Variants in KCNH1 observed in about 807,000 individuals in gnomAD.
KCNH1 encodes the protein potassium voltage-gated channel subfamily H member 1, also known as voltage-gated delayed rectifier potassium channel KCNH1.
Under a neutral mutation model 69.2 loss-of-function variants are expected in KCNH1, and 27 were observed. That is an observed-to-expected ratio of 0.39 (90% CI 0.29 to 0.54). KCNH1 has a LOEUF of 0.54. Among genes scored for constraint, KCNH1 ranks in the 20% least tolerant of loss-of-function variants. KCNH1 has a pLI of 0.68. For missense variants in KCNH1, 798 were observed against 1,261.6 expected (o/e 0.63, Z 5.57); for synonymous variants, 456 against 487.7 (o/e 0.93, Z 0.86).
chr1:211,089,838 C>T (rs1472664139), intron 4 of KCNH1, among the ~76,000 whole-genome samples: 1 of 152,162 alleles, frequency 6.6e-6, no homozygotes, highest in African/African-American at 2.4e-5. Context: ...TATGTCACCC[C>T]CTTATCCCAA....
At chr1:210,764,490 A>G (rs1683585352) in intron 10 of KCNH1, among the ~76,000 whole-genome samples, 1 of 152,246 alleles carries the variant, frequency 6.6e-6, no homozygotes, top group South Asian at 2.1e-4. Context: ...ACTAATATCC[A>G]GAATCTATGA....
rs139479460 is a variant in KCNH1, at chr1:210,802,178, G to A, written c.1662+1789C>T. Among the ~76,000 whole-genome samples the A allele has an allele frequency of 2.4e-4, 36 of 152,346 alleles. No homozygotes were observed. In the East Asian group the frequency reaches 6.2e-3, roughly 26 times the overall value. ...GCATGTTCAAGAAATGGTAGCTGAG[G>A]TTGTAGTAGTGGTGTTATGGTTATC... On this transcript the variant is annotated intron_variant, in intron 8 of 10. Coordinates refer to ENST00000271751, the MANE Select transcript of KCNH1 (RefSeq NM_172362.3).
At chr1:210,795,631 C>A (rs935436209) in intron 9 of KCNH1, among the ~76,000 whole-genome samples, 2 of 152,078 alleles carry the variant, frequency 1.3e-5, no homozygotes, top group African/African-American at 4.8e-5. Context: ...AAAGTTGGGG[C>A]TTTTCTTTTT....
chr1:210,795,131 TG>T (rs1684282661), intron 9 of KCNH1, among the ~76,000 whole-genome samples: 1 of 103,306 alleles, frequency 9.7e-6, no homozygotes, highest in Non-Finnish European at 2.3e-5. Flanking sequence ...TTGTTTTTGT[TG>T]TTGTTGTTGT....
intron 6 of KCNH1, among the ~76,000 whole-genome samples, chr1:210,963,602 C>T (rs557564860): frequency 9.2e-5 from 14 of 152,016 alleles, no homozygotes; most frequent in Admixed American, 2.6e-4. Context: ...CATAAATGAC[C>T]TGATGGAACT....
chr1:210,858,357 C>T (rs570063051), intron 7 of KCNH1: 1 of 152,298 alleles, frequency 6.6e-6, no homozygotes, highest in African/African-American at 2.4e-5. Flanking sequence ...ACCACTAACC[C>T]ATTTTTACAT....
intron 6 of KCNH1, among the ~76,000 whole-genome samples, chr1:210,975,586 TACA>T (rs1688592755): frequency 6.6e-6 from 1 of 152,166 alleles, no homozygotes; most frequent in Non-Finnish European, 1.5e-5. Context: ...TTACACCTTA[TACA>T]ACAATTAATT....
intron 7 of KCNH1, among the ~76,000 whole-genome samples, chr1:210,864,148 C>T (rs148545554): frequency 5.7e-4 from 87 of 152,298 alleles, no homozygotes; most frequent in Non-Finnish European, 9.1e-4. Context: ...CTCTCACATG[C>T]CTATGGCATG....
At chr1:210,986,588 CT>C (rs1385554571) in intron 6 of KCNH1, among the ~76,000 whole-genome samples, 1 of 152,146 alleles carries the variant, frequency 6.6e-6, no homozygotes, top group African/African-American at 2.4e-5. Context: ...AAATTCTTTT[CT>C]TTAAGAATGT....
At chr1:210,761,516 C>T (rs1374928581) in intron 10 of KCNH1, among the ~76,000 whole-genome samples, 1 of 152,088 alleles carries the variant, frequency 6.6e-6, no homozygotes, top group East Asian at 1.9e-4. Flanking sequence ...CATGTAATGA[C>T]ACCCACAGAC....
At chr1:210,804,879 A>T (rs1684502116) in intron 7 of KCNH1, among the ~76,000 whole-genome samples, 1 of 152,154 alleles carries the variant, frequency 6.6e-6, no homozygotes, top group African/African-American at 2.4e-5. Context: ...GTAAGAATAA[A>T]ATCAAGTCCC....
intron 7 of KCNH1, among the ~76,000 whole-genome samples, chr1:210,896,206 T>C (rs1686863424): frequency 6.6e-6 from 1 of 152,098 alleles, no homozygotes; most frequent in Non-Finnish European, 1.5e-5. Context: ...TATGAGTTGG[T>C]TTTCCTAGTC....
chr1:210,797,867 C>T (rs966883011), intron 8 of KCNH1, 107 bp from the exon 9 acceptor site: 18 of 1,260,586 alleles, frequency 1.4e-5, no homozygotes, highest in Non-Finnish European at 2.0e-5. Flanking sequence ...CCAGACTGCA[C>T]TCTTCTAACC....
chr1:210,789,170 A>G (rs1221806744), intron 9 of KCNH1, among the ~76,000 whole-genome samples: 1 of 152,166 alleles, frequency 6.6e-6, no homozygotes, highest in Non-Finnish European at 1.5e-5. Context: ...ATATTTACCT[A>G]GCAACTTCAA....
At chr1:211,048,627 A>T (rs111326677) in intron 5 of KCNH1, among the ~76,000 whole-genome samples, 1 of 152,266 alleles carries the variant, frequency 6.6e-6, no homozygotes, top group Non-Finnish European at 1.5e-5. Flanking sequence ...TCTCACTTAT[A>T]AGTGCGAGCT....
intron 10 of KCNH1, among the ~76,000 whole-genome samples, chr1:210,744,455 C>T (rs1018613379): frequency 6.6e-6 from 1 of 152,116 alleles, no homozygotes; most frequent in East Asian, 1.9e-4. Flanking sequence ...ACTAGCCTGA[C>T]CAACATAGTG....
Position 210,941,822 on chromosome 1 carries a change from C to A in KCNH1, c.1033-21753G>T, listed in dbSNP as rs144132813. 5.9e-3 allele frequency among the ~76,000 whole-genome samples: 897 copies of A among 152,260 alleles called. 8 individuals carry two copies. The highest frequency in any genetic ancestry group is 9.9e-3 in the Non-Finnish European group (676 of 68,000). ...TGTTCTAGGTTTAAGGTAATAAGGG[C>A]CCCCTTCCAGCTAGAAGGAGGATCA... On this transcript the variant is annotated intron_variant, in intron 6 of 10. Coordinates refer to ENST00000271751, the MANE Select transcript of KCNH1 (RefSeq NM_172362.3).
At chr1:211,123,859 G>C (rs1397344899) in intron 1 of KCNH1, among the ~76,000 whole-genome samples, 1 of 152,132 alleles carries the variant, frequency 6.6e-6, no homozygotes, top group Non-Finnish European at 1.5e-5. Context: ...GATACAAAAA[G>C]AGAAGAAGAA....
chr1:210,770,532 G>A (rs970015208), intron 10 of KCNH1, among the ~76,000 whole-genome samples: 1 of 152,220 alleles, frequency 6.6e-6, no homozygotes, highest in African/African-American at 2.4e-5. Context: ...CAAAGCATTG[G>A]CCTTTCTAGT....
Sources: allele counts gnomAD v4.1 joint callset (sites outside exome capture counted in the v4.1 genomes callset), GRCh38; gene constraint gnomAD v4.1.1; transcripts MANE v1.5; gene names NCBI Gene and HGNC (gene_info 2026-07-23, HGNC 2026-07-21).